SOD2: variants seen among roughly 807,000 people sequenced by gnomAD.
SOD2 encodes superoxide dismutase [Mn], mitochondrial.
Under a neutral mutation model 27.0 loss-of-function variants are expected in SOD2, and 11 were observed. The ratio of observed to expected loss-of-function variants is 0.41; its 90% confidence interval spans 0.26 to 0.67. The LOEUF is 0.67. SOD2 is among the 30% of genes least tolerant of loss of function. SOD2 has a pLI of 0.34. For synonymous variants in SOD2, 105 were observed against 103.0 expected (o/e 1.02, Z -0.12); for missense variants, 250 against 274.5 (o/e 0.91, Z 0.63).
intron 1 of SOD2, among the ~76,000 whole-genome samples, chr6:159,714,659 A>G (rs904441646): frequency 5.3e-5 from 8 of 152,184 alleles, no homozygotes; most frequent in African/African-American, 1.9e-4. Flanking sequence ...GTGTGCCCAG[A>G]TTATGATAAG....
At chr6:159,758,594 T>A (rs528291356) in intron 1 of SOD2, among the ~76,000 whole-genome samples, 1 of 152,254 alleles carries the variant, frequency 6.6e-6, no homozygotes, top group Admixed American at 6.5e-5. Context: ...GGAGTTCACC[T>A]ATCCCTGTGG....
Position 159,684,837 on chromosome 6 carries a change from C to A in SOD2, c.523+17G>T, listed in dbSNP as rs1780110275. 1.9e-6 allele frequency: 3 copies of A among 1,594,114 alleles called. No individual in the cohort carries two copies. The highest frequency in any genetic ancestry group is 1.7e-6 in the Non-Finnish European group (2 of 1,167,984). On this transcript the variant is annotated intron_variant, in intron 4 of 4. Transcript: ENST00000538183. ...AGAGCATCTCTCCCAAATGAAATCA[C>A]AATTTTTAAATCTAACCTGTTGTTC...
At chr6:159,717,101 G>C (rs972327292) in intron 1 of SOD2, among the ~76,000 whole-genome samples, 1 of 152,154 alleles carries the variant, frequency 6.6e-6, no homozygotes, top group Non-Finnish European at 1.5e-5. Context: ...ACATGCAAAA[G>C]GTGCCTTTAT....
At chr6:159,726,880 C>G (rs1321721735) in intron 1 of SOD2, 2 of 1,289,202 alleles carry the variant, frequency 1.6e-6, no homozygotes, top group South Asian at 1.2e-5. Flanking sequence ...AGTAAACGCC[C>G]GCGGCTCGCC....
At chr6:159,682,686 A>G in intron 4 of SOD2, 48 bp from the exon 5 acceptor site, 1 of 1,540,804 alleles carries the variant, frequency 6.5e-7, no homozygotes. Flanking sequence ...TTCAGTCTAA[A>G]ACATTGCATC....
intron 1 of SOD2, 74 bp from the exon 2 acceptor site, chr6:159,692,937 GGCAGCGCGCGGC>G: frequency 7.2e-7 from 1 of 1,393,018 alleles, no homozygotes; most frequent in Non-Finnish European, 9.4e-7. Flanking sequence ...GCCGAGGAAC[GGCAGCGCGCGGC>G]GTCCCCCGAG....
At chr6:159,726,713 G>T (rs190862325) in intron 1 of SOD2, 494 of 1,237,212 alleles carry the variant, frequency 4.0e-4, no homozygotes, top group Non-Finnish European at 4.7e-4. Context: ...CGGACACAGC[G>T]CAACCTCCGA....
Position 159,682,650 on chromosome 6 carries a change from A to G in SOD2, c.524-12T>C. ...CAGTGGAATAAGGCCTGTTAGAAAG[A>G]AGGGGAAAACAAACCAACCATCAGT... On this transcript the variant is annotated splice_polypyrimidine_tract_variant and intron_variant, in intron 4 of 4. Transcript: ENST00000538183. 6.2e-7 allele frequency: 1 copy of G among 1,600,032 alleles called. No homozygotes were observed. Among genetic ancestry groups the G allele is most frequent in the Non-Finnish European group, 8.5e-7 (1 of 1,175,290 alleles).
Position 159,712,877 on chromosome 6 carries a change from T to C in SOD2, c.-116+14252A>G, listed in dbSNP as rs1777855369. Reference sequence around the variant, plus strand: ...CTGTAGATTCAAGAAAAGTTCTACATAGGTGTGTTCATAAACCCCCCTACT... The same window carrying C: ...CTGTAGATTCAAGAAAAGTTCTACACAGGTGTGTTCATAAACCCCCCTACT... On this transcript the variant is annotated intron_variant, in intron 1 of 2. Transcript: ENST00000401980. 4 of 641,202 alleles carry C rather than the reference T, an allele frequency of 6.2e-6. No homozygotes were observed. The East Asian group carries it at 9.5e-5, about 15-fold the overall frequency. 39.7% of individuals were successfully genotyped at this position (641,202 alleles called of 1,614,324 possible). A position where few individuals can be genotyped will look rare whatever the true frequency, so the allele number is the denominator to read the frequency against.
At position 159,701,806 on chromosome 6, in the gene SOD2, C is replaced by G. The variant is rs116125325; in HGVS notation, c.-115-8943G>C. Among the ~76,000 whole-genome samples, 681 of 152,256 alleles carry G rather than the reference C, an allele frequency of 4.5e-3. 6 individuals carry two copies. The highest frequency in any genetic ancestry group is 0.024 in the Middle Eastern group (7 of 294). On this transcript the variant is annotated intron_variant, in intron 1 of 2. Coordinates refer to the SOD2 transcript ENST00000401980. ...CCAACATTTCCAGCTTGAATGTGGA[C>G]TTTTCCCCAGCAATTTGTATATTCT...
At chr6:159,755,935 A>G (rs1017995007) in intron 1 of SOD2, 23 of 248,324 alleles carry the variant, frequency 9.3e-5, no homozygotes, top group Admixed American at 2.0e-4. Context: ...ATACAACACA[A>G]TGATGTCTGT....
At chr6:159,747,888 T>TTAAA (rs146802783), upstream of SOD2, among the ~76,000 whole-genome samples, 115,105 of 151,544 alleles carry the variant, frequency 0.76, 44,175 homozygotes, top group South Asian at 0.85. Context: ...GTGAGTAACC[T>TTAAA]TAAATAGTTA....
intron 1 of SOD2, chr6:159,755,749 GTTTTTTTTTTCTTTTCTTTTTTTTT>G: frequency 3.1e-6 from 1 of 317,906 alleles, no homozygotes; most frequent in South Asian, 1.8e-4. Flanking sequence ...TTTTTTCTTT[GTTTTTTTTTTCTTTTCTTTTTTTTT>G]TTTTTTTTTT....
intron 1 of SOD2, among the ~76,000 whole-genome samples, chr6:159,734,915 TTG>T (rs1452349345): frequency 1.3e-5 from 2 of 152,182 alleles, no homozygotes; most frequent in Admixed American, 6.5e-5. Flanking sequence ...TGTCTTTTTT[TTG>T]TGTGTGGATT....
In SOD2 at chr6:159,688,316, T is replaced by A. The variant is rs1190260845; in HGVS notation, c.227-74A>T. 4 of 912,248 alleles carry A rather than the reference T, an allele frequency of 4.4e-6. No homozygotes were observed. In the East Asian group the frequency reaches 9.7e-5, roughly 22 times the overall value. The allele number at this position is 912,248 out of a possible 1,614,324, so 56.5% of individuals were successfully genotyped here. A position where few individuals can be genotyped will look rare whatever the true frequency, so the allele number is the denominator to read the frequency against. The stretch of plus-strand genomic sequence containing the variant: ...AACCACTGTATACATTATATTTTTT[T>A]CTTTGTAAGCTATTAGATAATGGGA... On this transcript the variant is annotated intron_variant, in intron 2 of 4. Coordinates refer to ENST00000538183, the MANE Select transcript of SOD2 (RefSeq NM_000636.4).
chr6:159,705,737 C>A (rs1194418257), intron 1 of SOD2, among the ~76,000 whole-genome samples: 3 of 152,188 alleles, frequency 2.0e-5, no homozygotes, highest in African/African-American at 7.2e-5. Flanking sequence ...GCAAGGCAGG[C>A]CAACATTCAA....
At chr6:159,729,108 T>C (rs1778407975), upstream of SOD2, among the ~76,000 whole-genome samples, 1 of 152,226 alleles carries the variant, frequency 6.6e-6, no homozygotes. Context: ...GATGTGGAGA[T>C]GAGCATTGTC....
rs1461012168 is a variant in SOD2, at chr6:159,674,045, GGAA to G, written c.*8445_*8447del. 1 of 152,118 alleles carries G rather than the reference GGAA, an allele frequency of 6.6e-6. No homozygotes were observed. The highest frequency in any genetic ancestry group is 1.5e-5 in the Non-Finnish European group (1 of 68,040). 9.4% of individuals were successfully genotyped at this position (152,118 alleles called of 1,614,324 possible). A position where few individuals can be genotyped will look rare whatever the true frequency, so the allele number is the denominator to read the frequency against. ...CATACACCCTCTCAAAACTAAACCAGGAAGAAGTTTAATCCCTGAATAGACCAA... is the reference window on the plus strand; with the variant it reads ...CATACACCCTCTCAAAACTAAACCAGGAAGTTTAATCCCTGAATAGACCAA... On this transcript the variant is annotated 3_prime_UTR_variant, in exon 5 of 5. Transcript: ENST00000538183.
rs1373576836 is a variant in SOD2, at chr6:159,737,638, G to A, written c.-116+7492C>T. 3.3e-5 allele frequency among the ~76,000 whole-genome samples: 5 copies of A among 151,964 alleles called. No homozygotes were observed. In the Middle Eastern group the frequency reaches 0.01, roughly 312 times the overall value. On this transcript the variant is annotated intron_variant, in intron 1 of 3. Transcript: ENST00000537657. Reference sequence around the variant, plus strand: ...CCCCAAAGTAGCTCAGACTACAGGTGTGCCACTACGCCTGGCTAATTTTTG... The same window carrying A: ...CCCCAAAGTAGCTCAGACTACAGGTATGCCACTACGCCTGGCTAATTTTTG...
Sources: allele counts gnomAD v4.1 joint callset (sites outside exome capture counted in the v4.1 genomes callset), GRCh38; gene constraint gnomAD v4.1.1; transcripts MANE v1.5; gene names NCBI Gene and HGNC (gene_info 2026-07-23, HGNC 2026-07-21).